Variants in RORA observed in about 807,000 individuals in gnomAD.
RORA encodes RAR related orphan receptor A.
RORA carries 7 observed loss-of-function variants against 69.5 expected under a neutral mutation model. The observed-to-expected ratio is 0.10, with a 90% CI of 0.06 to 0.19. The LOEUF (loss-of-function observed/expected upper bound fraction) is 0.19. Among genes scored for constraint, RORA ranks in the 10% least tolerant of loss-of-function variants. The probability of loss-of-function intolerance (pLI) is 1.00; values close to 1 mark genes in which losing one functional copy is unlikely to be tolerated. For synonymous variants in RORA, 261 were observed against 240.8 expected (o/e 1.08, Z -0.78); for missense variants, 457 against 663.0 (o/e 0.69, Z 3.41).
At chr15:61,153,093 T>A (rs895110683) in intron 1 of RORA, among the ~76,000 whole-genome samples, 2 of 151,934 alleles carry the variant, frequency 1.3e-5, no homozygotes, top group African/African-American at 4.8e-5. Flanking sequence ...AGAAAAAAAG[T>A]CACGAGAGTA....
chr15:60,569,289 T>TGTG lies in RORA; in HGVS notation c.197-37441_197-37439dup, dbSNP rs1217719187. Among the ~76,000 whole-genome samples, 20 of 145,840 alleles carry TGTG rather than the reference T, an allele frequency of 1.4e-4. 1 individual carries two copies. The South Asian group carries it at 4.4e-3, about 32-fold the overall frequency. ...AAAAAAAAAAAAAAAAAAAGCCATG[T>TGTG]GTGGTGTCACATGCCTGTAGCCCCA... On this transcript the variant is annotated intron_variant, in intron 2 of 10. Coordinates refer to ENST00000335670, the MANE Select transcript of RORA (RefSeq NM_134261.3).
intron 1 of RORA, among the ~76,000 whole-genome samples, chr15:61,139,660 G>A (rs1443483010): frequency 6.6e-6 from 1 of 152,180 alleles, no homozygotes; most frequent in Non-Finnish European, 1.5e-5. Context: ...GCTCGATTCC[G>A]CAGGGAGAGC....
intron 1 of RORA, among the ~76,000 whole-genome samples, chr15:60,858,595 G>T (rs988576221): frequency 5.3e-5 from 8 of 151,872 alleles, no homozygotes; most frequent in African/African-American, 1.9e-4. Context: ...GGTGAAGCAG[G>T]GGTGGGCAGC....
At chr15:60,937,983 C>G (rs1235762848) in intron 1 of RORA, among the ~76,000 whole-genome samples, 1 of 152,104 alleles carries the variant, frequency 6.6e-6, no homozygotes, top group Non-Finnish European at 1.5e-5. Context: ...ATCATATTAT[C>G]TGCAATTGCT....
intron 1 of RORA, among the ~76,000 whole-genome samples, chr15:61,013,845 G>A (rs547507929): frequency 9.4e-4 from 129 of 136,738 alleles, no homozygotes; most frequent in African/African-American, 3.4e-3. Context: ...GTGCAGTGGC[G>A]CAATTTCGGC....
At chr15:60,872,340 C>G (rs967498729) in intron 1 of RORA, among the ~76,000 whole-genome samples, 30 of 152,140 alleles carry the variant, frequency 2.0e-4, no homozygotes, top group Non-Finnish European at 1.3e-4. Context: ...AAAATGCGGT[C>G]TGAGCAAGAC....
intron 1 of RORA, among the ~76,000 whole-genome samples, chr15:60,857,313 G>A (rs548061982): frequency 6.6e-6 from 1 of 152,222 alleles, no homozygotes; most frequent in South Asian, 2.1e-4. Flanking sequence ...CTGAACCCCA[G>A]GGGGAGCTAC....
At chr15:61,004,255 A>G (rs67629419) in intron 1 of RORA, among the ~76,000 whole-genome samples, 22,819 of 151,054 alleles carry the variant, frequency 0.15, 1,893 homozygotes, top group South Asian at 0.28. Flanking sequence ...GGGGAGAGAG[A>G]GGAGAGAGAA....
At chr15:60,759,384 C>G (rs1319131155) in intron 1 of RORA, among the ~76,000 whole-genome samples, 1 of 152,122 alleles carries the variant, frequency 6.6e-6, no homozygotes, top group African/African-American at 2.4e-5. Context: ...TGAATTCTCA[C>G]TATAGGATCC....
chr15:61,125,253 A>C (rs1033905217), intron 1 of RORA, among the ~76,000 whole-genome samples: 8 of 152,218 alleles, frequency 5.3e-5, no homozygotes, highest in African/African-American at 1.9e-4. Flanking sequence ...AGGATACTAA[A>C]AAACGTGACA....
intron 2 of RORA, among the ~76,000 whole-genome samples, chr15:60,567,282 C>T (rs567656770): frequency 2.6e-5 from 4 of 151,954 alleles, no homozygotes; most frequent in Admixed American, 6.6e-5. Flanking sequence ...GCATATGTGC[C>T]GTCCAGCGGT....
chr15:60,558,311 A>G, intron 2 of RORA: 1 of 1,601,684 alleles, frequency 6.2e-7, no homozygotes. Context: ...TCATCCCTGG[A>G]ACGAAAATGA....
At chr15:60,644,045 T>TA (rs951089075) in intron 2 of RORA, among the ~76,000 whole-genome samples, 217 of 148,708 alleles carry the variant, frequency 1.5e-3, no homozygotes, top group Non-Finnish European at 1.0e-3. Context: ...CCACTGGGAT[T>TA]AAAAAAAAAA....
At chr15:60,855,191 A>ATTT (rs1217416734) in intron 1 of RORA, among the ~76,000 whole-genome samples, 6 of 152,210 alleles carry the variant, frequency 3.9e-5, no homozygotes, top group Non-Finnish European at 7.3e-5. Context: ...CTGTACTTTA[A>ATTT]AGTTTCCTGG....
chr15:61,125,321 T>A (rs1372191702), intron 1 of RORA, among the ~76,000 whole-genome samples: 5 of 152,206 alleles, frequency 3.3e-5, no homozygotes, highest in Non-Finnish European at 7.3e-5. Context: ...ATCCTTGTTA[T>A]CTCAGGTAGA....
At chr15:60,904,421 G>C (rs1432033540) in intron 1 of RORA, among the ~76,000 whole-genome samples, 1 of 152,204 alleles carries the variant, frequency 6.6e-6, no homozygotes, top group Non-Finnish European at 1.5e-5. Flanking sequence ...GGCTTGAAGA[G>C]GAGACTGCAG....
chr15:60,795,662 T>C (rs2140352692), intron 1 of RORA, among the ~76,000 whole-genome samples: 1 of 152,242 alleles, frequency 6.6e-6, no homozygotes, highest in East Asian at 1.9e-4. Flanking sequence ...CCATGGTGAG[T>C]AAGGCAGAAA....
At chr15:60,878,059 C>T (rs935825765) in intron 1 of RORA, among the ~76,000 whole-genome samples, 15 of 150,462 alleles carry the variant, frequency 1.0e-4, no homozygotes, top group Admixed American at 2.0e-4. Context: ...TGGCCAGGTG[C>T]GGTGGCTCAC....
At chr15:60,523,548 G>C (rs908297739) in intron 3 of RORA, among the ~76,000 whole-genome samples, 3 of 152,148 alleles carry the variant, frequency 2.0e-5, no homozygotes, top group African/African-American at 7.2e-5. Flanking sequence ...CATGTGGCTG[G>C]CCTGAGCCTC....
Sources: allele counts gnomAD v4.1 joint callset (sites outside exome capture counted in the v4.1 genomes callset), GRCh38; gene constraint gnomAD v4.1.1; transcripts MANE v1.5; gene names NCBI Gene and HGNC (gene_info 2026-07-23, HGNC 2026-07-21).